The following MARVELD3 variants were observed in gnomAD, a reference collection of about 807,000 sequenced individuals.
MARVELD3 encodes MARVEL domain-containing protein 3.
A neutral mutation model predicts 33.5 loss-of-function variants in MARVELD3; 28 were observed. That is an observed-to-expected ratio of 0.84 (90% CI 0.62 to 1.15). MARVELD3 has a LOEUF of 1.15. Ranked by LOEUF, MARVELD3 falls within the 50% of genes most tolerant of loss-of-function variation. The pLI is 0.00. For synonymous variants in MARVELD3, 241 were observed against 230.4 expected (o/e 1.05, Z -0.42); for missense variants, 582 against 547.6 (o/e 1.06, Z -0.63).
In MARVELD3 at chr16:71,634,451, G is replaced by T. The variant is rs373169641; in HGVS notation, c.854G>T (p.Cys285Phe). 9 of 1,614,124 alleles carry T rather than the reference G, an allele frequency of 5.6e-6. No individual in the cohort carries two copies. The South Asian group carries it at 8.8e-5, about 16-fold the overall frequency. Residue 285 changes from cysteine (C) to phenylalanine (F), a missense_variant, in exon 3 of 3, where the codon TGC becomes TTC. Cys to Phe is a radical substitution (Grantham distance 205). Transcript: ENST00000268485. Reference protein sequence around the residue: ...ACSGALTALCCLFVAMGVLRV... With the variant: ...ACSGALTALCFLFVAMGVLRV... Reference sequence around the variant, plus strand: ...AGTGGAGCCCTCACAGCCCTCTGCTGCCTCTTCGTTGCCATGGGTGTCCTG... The same window carrying T: ...AGTGGAGCCCTCACAGCCCTCTGCTTCCTCTTCGTTGCCATGGGTGTCCTG...
rs2044559215 is a variant in MARVELD3 at position 71,634,192 on chromosome 16, G to C, written c.596-1G>C. The C allele has an allele frequency of 6.3e-7, 1 of 1,581,462 alleles. No individual in the cohort carries two copies. Among genetic ancestry groups the C allele is most frequent in the Non-Finnish European group, 8.6e-7 (1 of 1,164,738 alleles). ...AAAATGGTAACACCCTTTTTTTGCA[G>C]CCTGCTGCCAAATGCTGGAGGTTCT... On this transcript the variant is annotated splice_acceptor_variant, in intron 2 of 2. Transcript: ENST00000268485. LOFTEE classifies it high-confidence loss of function.
chr16:71,627,776 T>A (rs961125131), intron 1 of MARVELD3, among the ~76,000 whole-genome samples: 1 of 9,862 alleles, frequency 1.0e-4, no homozygotes. Context: ...TAGGGGAGGG[T>A]GGGGGGGGAA....
At chr16:71,640,961 A>G, downstream of MARVELD3, 1 of 1,613,886 alleles carries the variant, frequency 6.2e-7, no homozygotes, top group Non-Finnish European at 8.5e-7. Context: ...AGCGCTACAA[A>G]GGCAGCCGAG....
intron 2 of MARVELD3, among the ~76,000 whole-genome samples, chr16:71,633,690 C>T (rs1479214598): frequency 1.3e-5 from 2 of 150,550 alleles, no homozygotes; most frequent in Non-Finnish European, 3.0e-5. Context: ...CCACCATACC[C>T]AGTCTTTTTT....
downstream of MARVELD3, chr16:71,640,740 A>G: frequency 6.2e-7 from 1 of 1,614,234 alleles, no homozygotes; most frequent in Non-Finnish European, 8.5e-7. Context: ...GGGCTACTGC[A>G]CAGGCATTGG....
rs545427803 is a variant in MARVELD3, at chr16:71,641,881, T to A, written c.*854T>A. 2.0e-5 allele frequency: 3 copies of A among 152,348 alleles called. No individual in the cohort carries two copies. The South Asian group carries it at 6.2e-4, about 32-fold the overall frequency. The allele number at this position is 152,348 out of a possible 1,614,324, so 9.4% of individuals were successfully genotyped here. On this transcript the variant is annotated 3_prime_UTR_variant, in exon 3 of 3. Transcript: ENST00000299952. ...AGAGTAGGTCTTCAAAGGTAGATAGTAATCTCATTACCCTGGACTGTTCTC... is the reference window on the plus strand; with the variant it reads ...AGAGTAGGTCTTCAAAGGTAGATAGAAATCTCATTACCCTGGACTGTTCTC...
At position 71,626,587 on chromosome 16, in the gene MARVELD3, C is replaced by G; in HGVS notation, c.358C>G (p.Arg120Gly). ...PRQSRTRDGA[R>G]GLTWDAAAPP... ...CCAAAGCCGGACGCGGGACGGAGCC[C>G]GGGGACTGACCTGGGACGCAGCCGC... The change falls in exon 1 of 3, where the codon CGG (arginine) becomes GGG (glycine). Residue 120 changes from arginine (R) to glycine (G), a missense_variant. Transcript: ENST00000268485. The surrounding 1 kb of genome is among the most constrained non-coding windows in gnomAD (Gnocchi z 5.3). 4.5e-6 allele frequency: 7 copies of G among 1,544,840 alleles called. No homozygotes were observed. The highest frequency in any genetic ancestry group is 6.1e-6 in the Non-Finnish European group (7 of 1,146,628).
intron 1 of MARVELD3, among the ~76,000 whole-genome samples, chr16:71,628,268 C>T (rs1027687362): frequency 6.6e-6 from 1 of 152,186 alleles, no homozygotes; most frequent in Admixed American, 6.5e-5. Context: ...GACGCGGTGG[C>T]TCACACCTGT....
Position 71,626,278 on chromosome 16 carries a change from C to A in MARVELD3, c.49C>A (p.Arg17=). Reference sequence around the variant, plus strand: ...CGAGCCCCGGGCCCGGCCGAGAGAGCGGGACCCGGGACGGCGCCCCCACCC... The same window carrying A: ...CGAGCCCCGGGCCCGGCCGAGAGAGAGGGACCCGGGACGGCGCCCCCACCC... ...AREPRARPRE[R]DPGRRPHPDQ... The change falls in exon 1 of 3, where the codon CGG becomes AGG. Residue 17 remains arginine, a synonymous_variant. Transcript: ENST00000268485. The surrounding 1 kb of genome is among the most constrained non-coding windows in gnomAD (Gnocchi z 5.3). 6.5e-7 allele frequency: 1 copy of A among 1,538,008 alleles called. No homozygotes were observed.
At chr16:71,640,699 C>G (rs1473168626), downstream of MARVELD3, 1 of 1,614,234 alleles carries the variant, frequency 6.2e-7, no homozygotes, top group South Asian at 1.1e-5. Context: ...TGGCTCCTCA[C>G]GGAGGCCGCC....
chr16:71,626,470 A>G lies in MARVELD3; in HGVS notation c.241A>G (p.Arg81Gly), dbSNP rs2044471385. 4 of 1,549,310 alleles carry G rather than the reference A, an allele frequency of 2.6e-6. No individual in the cohort carries two copies. The highest frequency in any genetic ancestry group is 3.5e-6 in the Non-Finnish European group (4 of 1,146,716). ...RNRDRERERE[R>G]ERDPDRGPRR... ...CCGGGACCGGGAGAGGGAGAGAGAGAGGGAAAGAGACCCGGACCGAGGCCC... is the reference window on the plus strand; with the variant it reads ...CCGGGACCGGGAGAGGGAGAGAGAGGGGGAAAGAGACCCGGACCGAGGCCC... Residue 81 changes from arginine (R) to glycine (G), a missense_variant, in exon 1 of 3, where the codon AGG (arginine) becomes GGG (glycine). Arg to Gly is a moderately radical substitution (Grantham distance 125, BLOSUM62 -2). Coordinates refer to ENST00000268485, the MANE Select transcript of MARVELD3 (RefSeq NM_052858.6). The surrounding 1 kb of genome is among the most constrained non-coding windows in gnomAD (Gnocchi z 5.3).
At chr16:71,634,112 C>T (rs2044558139) in intron 2 of MARVELD3, 81 bp from the exon 3 acceptor site, 3 of 1,538,962 alleles carry the variant, frequency 1.9e-6, no homozygotes, top group Non-Finnish European at 2.6e-6. Context: ...CTGAGCCCTG[C>T]GCGGAAGGTG....
At chr16:71,640,599 G>A (rs766974824), downstream of MARVELD3, 22 of 1,614,094 alleles carry the variant, frequency 1.4e-5, no homozygotes, top group South Asian at 3.3e-5. Flanking sequence ...CCTGATATAC[G>A]GTGGCGTGGC....
At chr16:71,629,036 G>T (rs1175470366) in intron 1 of MARVELD3, 1 of 232,506 alleles carries the variant, frequency 4.3e-6, no homozygotes, top group Non-Finnish European at 8.2e-6. Flanking sequence ...AATGCAAACT[G>T]GTTTTGAAGA....
At chr16:71,641,194 T>A, downstream of MARVELD3, 1 of 830,032 alleles carries the variant, frequency 1.2e-6, no homozygotes, top group Non-Finnish European at 1.8e-6. Context: ...GGCTCATGCC[T>A]GTAATCCCAG....
rs1245273413 is a variant in MARVELD3, at chr16:71,634,977, G to A, written c.*174G>A. ...TGGAGCGGTGTTCATGGATGCAACA[G>A]ACCCTGGCTTCTGGAGTCCTCTGTG... On this transcript the variant is annotated 3_prime_UTR_variant, in exon 3 of 3. Coordinates refer to ENST00000268485, the MANE Select transcript of MARVELD3 (RefSeq NM_052858.6). The A allele has an allele frequency of 6.4e-6, 9 of 1,399,288 alleles. No homozygotes were observed. Among genetic ancestry groups the A allele is most frequent in the Middle Eastern group, 2.4e-4 (1 of 4,170 alleles). The allele number at this position is 1,399,288 out of a possible 1,614,324, so 86.7% of individuals were successfully genotyped here.
chr16:71,627,428 CGGGAGGCGGA>C (rs1320333434), intron 1 of MARVELD3, among the ~76,000 whole-genome samples: 1 of 150,894 alleles, frequency 6.6e-6, no homozygotes, highest in East Asian at 2.0e-4. Flanking sequence ...CGCTTGAACC[CGGGAGGCGGA>C]GGTTGCAGTG....
rs752637004 is a variant in MARVELD3 at position 71,629,353 on chromosome 16, C to G, written c.468-14C>G. On this transcript the variant is annotated splice_polypyrimidine_tract_variant and intron_variant, in intron 1 of 2. Coordinates refer to ENST00000268485, the MANE Select transcript of MARVELD3 (RefSeq NM_052858.6). ...AGACACCCCCTAATGACCATGTATG[C>G]TTTTTGGTTATAGTGAACCCCCTTC... 6.5e-7 allele frequency: 1 copy of G among 1,530,202 alleles called. No individual in the cohort carries two copies. The highest frequency in any genetic ancestry group is 8.7e-7 in the Non-Finnish European group (1 of 1,150,146). The allele number at this position is 1,530,202 out of a possible 1,614,324, so 94.8% of individuals were successfully genotyped here.
intron 2 of MARVELD3, among the ~76,000 whole-genome samples, chr16:71,631,709 G>A (rs755640633): frequency 6.6e-6 from 1 of 152,100 alleles, no homozygotes; most frequent in Non-Finnish European, 1.5e-5. Context: ...GCCTCCCAAA[G>A]TGCTAGGATT....
Sources: allele counts gnomAD v4.1 joint callset (sites outside exome capture counted in the v4.1 genomes callset), GRCh38; gene constraint gnomAD v4.1.1; non-coding constraint Gnocchi (gnomAD v3.1); transcripts MANE v1.5; gene names NCBI Gene and HGNC (gene_info 2026-07-23, HGNC 2026-07-21).